The following NUP37 variants were observed in gnomAD, a reference collection of about 807,000 sequenced individuals.
The protein encoded by NUP37 is nucleoporin Nup37.
NUP37 carries 33 observed loss-of-function variants against 45.4 expected under a neutral mutation model. The observed-to-expected ratio is 0.73, with a 90% CI of 0.55 to 0.97. NUP37 has a LOEUF of 0.97. NUP37 is among the 50% of genes least tolerant of loss of function. The pLI is 0.00. For missense variants in NUP37, 365 were observed against 389.7 expected (o/e 0.94, Z 0.53); for synonymous variants, 127 against 130.7 (o/e 0.97, Z 0.19).
intron 3 of NUP37, among the ~76,000 whole-genome samples, chr12:102,110,283 C>T (rs1198752000): frequency 3.3e-5 from 5 of 151,800 alleles, no homozygotes; most frequent in African/African-American, 9.7e-5. Context: ...GTGAATTGCT[C>T]GAGCCTGGGT....
At chr12:102,076,485 G>C (rs1035770215) in intron 8 of NUP37, among the ~76,000 whole-genome samples, 9 of 152,240 alleles carry the variant, frequency 5.9e-5, no homozygotes, top group African/African-American at 2.2e-4. Context: ...ATGAACATGG[G>C]CTCCCCTACA....
intron 3 of NUP37, among the ~76,000 whole-genome samples, chr12:102,107,913 A>C (rs1364684864): frequency 1.3e-5 from 2 of 152,216 alleles, no homozygotes; most frequent in African/African-American, 4.8e-5. Context: ...GGAAGGAAGA[A>C]GGCTGATTGG....
intron 4 of NUP37, among the ~76,000 whole-genome samples, chr12:102,100,663 T>C (rs1050732230): frequency 1.3e-5 from 2 of 152,228 alleles, no homozygotes; most frequent in Non-Finnish European, 2.9e-5. Context: ...TTTGGAATTC[T>C]GCCTGTGCTA....
In NUP37 at chr12:102,079,929, T is replaced by C. The variant is rs143518890; in HGVS notation, c.541-2426A>G. On this transcript the variant is annotated intron_variant, in intron 6 of 9. Coordinates refer to ENST00000552283, the MANE Select transcript of NUP37 (RefSeq NM_024057.4). ...TGTTGTTCTGTGCTCCCTGCGTATGTCTGTGACTAAAGAAGTGCTATGAGC... is the reference window on the plus strand; with the variant it reads ...TGTTGTTCTGTGCTCCCTGCGTATGCCTGTGACTAAAGAAGTGCTATGAGC... 7.0e-3 allele frequency among the ~76,000 whole-genome samples: 1,062 copies of C among 152,280 alleles called. 10 individuals carry two copies. Among genetic ancestry groups the C allele is most frequent in the African/African-American group, 0.024 (1,011 of 41,546 alleles).
intron 6 of NUP37, among the ~76,000 whole-genome samples, chr12:102,084,576 G>A (rs1407827624): frequency 2.6e-5 from 4 of 152,086 alleles, no homozygotes; most frequent in East Asian, 3.9e-4. Context: ...CCCGGCATAC[G>A]AAGGTTGCAG....
intron 9 of NUP37, 85 bp downstream of exon 9, chr12:102,074,916 C>T: frequency 4.2e-6 from 3 of 708,182 alleles, no homozygotes; most frequent in African/African-American, 1.9e-5. Flanking sequence ...CAACAAATTA[C>T]AAATTTGGGG....
chr12:102,110,474 T>C (rs1880282062), intron 3 of NUP37, among the ~76,000 whole-genome samples: 1 of 150,914 alleles, frequency 6.6e-6, no homozygotes, highest in Non-Finnish European at 1.5e-5. Context: ...TGGGTCTGGC[T>C]GTCAGCCTGG....
chr12:102,096,952 C>T (rs1425027723), intron 5 of NUP37, among the ~76,000 whole-genome samples: 1 of 151,868 alleles, frequency 6.6e-6, no homozygotes, highest in Admixed American at 6.6e-5. Context: ...TGATGTTGTG[C>T]ATCAACCCGA....
chr12:102,117,529 T>C (rs1880500032), intron 2 of NUP37, among the ~76,000 whole-genome samples: 1 of 152,182 alleles, frequency 6.6e-6, no homozygotes, highest in Non-Finnish European at 1.5e-5. Flanking sequence ...TTGTTCCAAG[T>C]CTCTCTTACA....
In NUP37 at chr12:102,112,102, A is replaced by G; in HGVS notation, c.281+6T>C. The G allele has an allele frequency of 6.2e-7, 1 of 1,613,286 alleles. No individual in the cohort carries two copies. The highest frequency in any genetic ancestry group is 8.5e-7 in the Non-Finnish European group (1 of 1,179,420). On this transcript the variant is annotated splice_donor_region_variant and intron_variant, in intron 3 of 9. Coordinates refer to ENST00000552283, the MANE Select transcript of NUP37 (RefSeq NM_024057.4). Reference sequence around the variant, plus strand: ...TAAGGAATGCATTTGGTACTGTTAAACTTACTTGATTACTGGAGGCAATGA... The same window carrying G: ...TAAGGAATGCATTTGGTACTGTTAAGCTTACTTGATTACTGGAGGCAATGA...
rs1201145397 is a variant in NUP37, at chr12:102,085,761, A to C, written c.540+5T>G. On this transcript the variant is annotated splice_donor_5th_base_variant and intron_variant, in intron 6 of 9. Coordinates refer to ENST00000552283, the MANE Select transcript of NUP37 (RefSeq NM_024057.4). ...TGATAAGAGAGTTAAATTATAAATA[A>C]TAACCTTAAAAGTCTCCTCAGGATG... The C allele has an allele frequency of 1.4e-6, 2 of 1,415,460 alleles. No individual in the cohort carries two copies. Among genetic ancestry groups the C allele is most frequent in the East Asian group, 2.3e-5 (1 of 43,208 alleles). 87.7% of individuals were successfully genotyped at this position (1,415,460 alleles called of 1,614,324 possible).
At chr12:102,086,472 G>A (rs1164850714) in intron 5 of NUP37, among the ~76,000 whole-genome samples, 1 of 152,122 alleles carries the variant, frequency 6.6e-6, no homozygotes, top group African/African-American at 2.4e-5. Context: ...CATGGTTGAC[G>A]ATTAAAGCTG....
chr12:102,085,640 G>A (rs748882435), intron 6 of NUP37, 126 bp downstream of exon 6: 6 of 466,562 alleles, frequency 1.3e-5, no homozygotes, highest in Admixed American at 3.9e-5. Flanking sequence ...TAATCCAAAT[G>A]CCTTTGTGCT....
At chr12:102,116,780 G>A (rs954109408) in intron 2 of NUP37, among the ~76,000 whole-genome samples, 15 of 151,712 alleles carry the variant, frequency 9.9e-5, no homozygotes, top group African/African-American at 2.4e-4. Flanking sequence ...TGAGGCGGGC[G>A]GATCACGAGG....
At chr12:102,113,623 C>T (rs538338586) in intron 2 of NUP37, among the ~76,000 whole-genome samples, 60 of 152,222 alleles carry the variant, frequency 3.9e-4, no homozygotes, top group Middle Eastern at 6.8e-3. Context: ...CTAAAGAAGG[C>T]CAAATTTTCG....
chr12:102,093,871 G>A (rs950354145), intron 5 of NUP37, among the ~76,000 whole-genome samples: 3 of 152,012 alleles, frequency 2.0e-5, no homozygotes, highest in Admixed American at 6.5e-5. Flanking sequence ...CTGATTTGGT[G>A]ATATATTTTA....
chr12:102,084,359 G>T (rs1879410084), intron 6 of NUP37, among the ~76,000 whole-genome samples: 1 of 152,244 alleles, frequency 6.6e-6, no homozygotes, highest in East Asian at 1.9e-4. Flanking sequence ...GAAAAAGCAT[G>T]GAGATGGCCG....
rs542802156 is a variant in NUP37, at chr12:102,114,643, G to C, written c.157-2411C>G. 3.2e-4 allele frequency among the ~76,000 whole-genome samples: 49 copies of C among 152,264 alleles called. No individual in the cohort carries two copies. In the South Asian group the frequency reaches 8.7e-3, roughly 27 times the overall value. ...TATTATAAGGGTTTGAAACTGGCAGGCCCTCCCACCACACCCATTTAAGGC... is the reference window on the plus strand; with the variant it reads ...TATTATAAGGGTTTGAAACTGGCAGCCCCTCCCACCACACCCATTTAAGGC... On this transcript the variant is annotated intron_variant, in intron 2 of 9. Coordinates refer to ENST00000552283, the MANE Select transcript of NUP37 (RefSeq NM_024057.4).
At chr12:102,074,972 A>T (rs758818981) in intron 9 of NUP37, 29 bp downstream of exon 9, 1 of 1,351,556 alleles carries the variant, frequency 7.4e-7, no homozygotes, top group Admixed American at 2.3e-5. Context: ...AAAAAAAAGC[A>T]CGTATGTTAC....
Sources: allele counts gnomAD v4.1 joint callset (sites outside exome capture counted in the v4.1 genomes callset), GRCh38; gene constraint gnomAD v4.1.1; transcripts MANE v1.5; gene names NCBI Gene and HGNC (gene_info 2026-07-23, HGNC 2026-07-21).